Variants in PDCD5 observed in about 807,000 individuals in gnomAD.
PDCD5 encodes the protein programmed cell death 5.
PDCD5 carries 23 observed loss-of-function variants against 21.9 expected under a neutral mutation model. The ratio of observed to expected loss-of-function variants is 1.05; its 90% confidence interval spans 0.76 to 1.49. The LOEUF is 1.49. Ranked by LOEUF, PDCD5 falls within the 40% of genes most tolerant of loss-of-function variation. The pLI is 0.00. For missense variants in PDCD5, 152 were observed against 147.7 expected (o/e 1.03, Z -0.15); for synonymous variants, 45 against 49.4 (o/e 0.91, Z 0.37).
chr19:32,585,246 G>C (rs1043323007), intron 3 of PDCD5, among the ~76,000 whole-genome samples: 9 of 152,160 alleles, frequency 5.9e-5, no homozygotes, highest in Non-Finnish European at 2.9e-5. Context: ...AAGATTTATA[G>C]GAAACAACTC....
Position 32,581,211 on chromosome 19 carries a change from G to T in PDCD5, c.-51G>T. On this transcript the variant is annotated 5_prime_UTR_variant, in exon 1 of 6. Coordinates refer to ENST00000590247, the MANE Select transcript of PDCD5 (RefSeq NM_004708.4). ...GCGCAGTGGTCAAGGCCGCGCTCGC[G>T]CCGAGGGGCTGCGAGAGTGACCGCG... 1 of 1,369,774 alleles carries T rather than the reference G, an allele frequency of 7.3e-7. No homozygotes were observed. Among genetic ancestry groups the T allele is most frequent in the Non-Finnish European group, 9.7e-7 (1 of 1,031,260 alleles). The allele number at this position is 1,369,774 out of a possible 1,614,324, so 84.9% of individuals were successfully genotyped here.
Position 32,586,271 on chromosome 19 carries a change from C to T in PDCD5, c.258+364C>T, listed in dbSNP as rs1418873232. Reference sequence around the variant, plus strand: ...GATGAGAAGGTGCTAAGATGCCTTGCTTATGTTCTCTGTGTTGCTGTAATA... The same window carrying T: ...GATGAGAAGGTGCTAAGATGCCTTGTTTATGTTCTCTGTGTTGCTGTAATA... On this transcript the variant is annotated intron_variant, in intron 4 of 5. Transcript: ENST00000590247. The T allele has an allele frequency of 3.5e-6, 5 of 1,414,134 alleles. No homozygotes were observed. The South Asian group carries it at 6.1e-5, about 17-fold the overall frequency. 87.6% of individuals were successfully genotyped at this position (1,414,134 alleles called of 1,614,324 possible). A position where few individuals can be genotyped will look rare whatever the true frequency, so the allele number is the denominator to read the frequency against.
chr19:32,585,483 G>C (rs900169382), intron 3 of PDCD5, among the ~76,000 whole-genome samples: 3 of 152,178 alleles, frequency 2.0e-5, no homozygotes, highest in African/African-American at 7.2e-5. Context: ...GTGTAGAAAA[G>C]GCGGCCACAG....
At chr19:32,582,969 A>G (rs897062413) in intron 2 of PDCD5, among the ~76,000 whole-genome samples, 2 of 152,200 alleles carry the variant, frequency 1.3e-5, no homozygotes, top group African/African-American at 4.8e-5. Context: ...TAGTGATAGG[A>G]AGTAAAACGA....
At chr19:32,581,676 G>C (rs1971427571) in intron 1 of PDCD5, 2 of 232,852 alleles carry the variant, frequency 8.6e-6, no homozygotes, top group Non-Finnish European at 1.6e-5. Context: ...GAGTTCAGTT[G>C]TTATGACCCA....
chr19:32,584,248 G>T (rs1302124589), intron 2 of PDCD5, among the ~76,000 whole-genome samples: 3 of 152,220 alleles, frequency 2.0e-5, no homozygotes, highest in African/African-American at 7.2e-5. Context: ...TGAGCTGGGA[G>T]TGGATAGTGG....
At chr19:32,584,139 C>A (rs1217581369) in intron 2 of PDCD5, among the ~76,000 whole-genome samples, 1 of 151,968 alleles carries the variant, frequency 6.6e-6, no homozygotes, top group Non-Finnish European at 1.5e-5. Context: ...GCCTAGACCC[C>A]ATCTCTTAAA....
rs374870227 is a variant in PDCD5, at chr19:32,581,325, G to C, written c.64G>C (p.Gly22Arg). ...QRLAELQAKH[G>R]DPGDAAQQEA... ...GCTGGCCGAGCTGCAGGCCAAACACGGGGTGAGCGCATCAGCCCCCGCCAG... is the reference window on the plus strand; with the variant it reads ...GCTGGCCGAGCTGCAGGCCAAACACCGGGTGAGCGCATCAGCCCCCGCCAG... The change falls in exon 1 of 6, where the codon GGG (glycine) becomes CGG (arginine). Residue 22 changes from glycine to arginine, a missense_variant and splice_region_variant. Gly to Arg is a moderately radical substitution (Grantham distance 125). Transcript: ENST00000590247. 1.3e-4 allele frequency: 204 copies of C among 1,512,532 alleles called. No homozygotes were observed. The highest frequency in any genetic ancestry group is 1.7e-4 in the Non-Finnish European group (194 of 1,133,496). The allele number at this position is 1,512,532 out of a possible 1,614,324, so 93.7% of individuals were successfully genotyped here. A position where few individuals can be genotyped will look rare whatever the true frequency, so the allele number is the denominator to read the frequency against.
At chr19:32,585,935 T>C (rs761498066) in intron 4 of PDCD5, 28 bp downstream of exon 4, 14 of 1,613,904 alleles carry the variant, frequency 8.7e-6, no homozygotes, top group African/African-American at 2.7e-5. Context: ...TGAGGAACTT[T>C]ACTGTTACCT....
intron 2 of PDCD5, among the ~76,000 whole-genome samples, chr19:32,582,569 T>TTTA (rs1426441979): frequency 6.6e-6 from 1 of 152,200 alleles, no homozygotes; most frequent in African/African-American, 2.4e-5. Context: ...AAGTGTTAAC[T>TTTA]GGTAAGCTAT....
chr19:32,581,808 C>G (rs1013033716), intron 1 of PDCD5: 3 of 249,002 alleles, frequency 1.2e-5, no homozygotes, highest in Non-Finnish European at 2.3e-5. Flanking sequence ...TTGGATGGAT[C>G]ACACGCCCGG....
chr19:32,582,094 C>T (rs1971432755), intron 1 of PDCD5, 101 bp from the exon 2 acceptor site: 6 of 780,606 alleles, frequency 7.7e-6, no homozygotes, highest in Non-Finnish European at 1.1e-5. Context: ...TTGTTTCTAC[C>T]ACCGCAAGAG....
intron 4 of PDCD5, chr19:32,586,346 C>G: frequency 7.9e-7 from 1 of 1,265,732 alleles, no homozygotes; most frequent in South Asian, 1.8e-5. Flanking sequence ...CAAGACGAAC[C>G]CCACCTGCCC....
intron 2 of PDCD5, among the ~76,000 whole-genome samples, chr19:32,583,150 G>A (rs1361245978): frequency 1.3e-5 from 2 of 152,158 alleles, no homozygotes; most frequent in Non-Finnish European, 2.9e-5. Flanking sequence ...TAAATTCTCT[G>A]CTTGAGGTTT....
At chr19:32,585,327 G>C (rs1309577887) in intron 3 of PDCD5, among the ~76,000 whole-genome samples, 1 of 152,004 alleles carries the variant, frequency 6.6e-6, no homozygotes, top group Admixed American at 6.6e-5. Context: ...CTGGGGATGG[G>C]GGACTTAGGG....
intron 2 of PDCD5, 77 bp downstream of exon 2, chr19:32,582,309 GGT>G: frequency 7.8e-7 from 1 of 1,277,860 alleles, no homozygotes; most frequent in Non-Finnish European, 1.1e-6. Flanking sequence ...ATTTTAAGCA[GGT>G]GTGTGACTCA....
At chr19:32,582,801 G>C (rs907964359) in intron 2 of PDCD5, among the ~76,000 whole-genome samples, 1 of 152,242 alleles carries the variant, frequency 6.6e-6, no homozygotes, top group South Asian at 2.1e-4. Context: ...GAAACCTTTA[G>C]CTACTGGACA....
At chr19:32,586,977 A>C in intron 5 of PDCD5, 48 bp downstream of exon 5, 1 of 1,416,396 alleles carries the variant, frequency 7.1e-7, no homozygotes, top group Non-Finnish European at 9.9e-7. Context: ...GGATACTTTA[A>C]AGATTAATGT....
chr19:32,582,114 T>C (rs1426203797), intron 1 of PDCD5, 81 bp from the exon 2 acceptor site: 3 of 934,524 alleles, frequency 3.2e-6, no homozygotes, highest in Non-Finnish European at 5.2e-6. Flanking sequence ...GACTGTTATG[T>C]ATAGGAAACA....
Sources: allele counts gnomAD v4.1 joint callset (sites outside exome capture counted in the v4.1 genomes callset), GRCh38; gene constraint gnomAD v4.1.1; transcripts MANE v1.5; gene names NCBI Gene and HGNC (gene_info 2026-07-23, HGNC 2026-07-21).